CDK14: variants seen among roughly 807,000 people sequenced by gnomAD.
The protein encoded by CDK14 is cyclin dependent kinase 14.
Under a neutral mutation model 60.7 loss-of-function variants are expected in CDK14, and 34 were observed. The ratio of observed to expected loss-of-function variants is 0.56; its 90% CI spans 0.43 to 0.75. The LOEUF is 0.75. Ranked by LOEUF, CDK14 falls within the 30% of genes least tolerant of loss-of-function variation. CDK14 has a pLI of 0.00. For synonymous variants in CDK14, 197 were observed against 203.7 expected, an observed-to-expected ratio of 0.97 and a Z score of 0.28; for missense variants, 482 against 564.1, an observed-to-expected ratio of 0.85 and a Z score of 1.47.
intron 11 of CDK14, among the ~76,000 whole-genome samples, chr7:91,071,569 G>A (rs1798148692): frequency 6.6e-6 from 1 of 152,184 alleles, no homozygotes; most frequent in African/African-American, 2.4e-5. Context: ...ATGCCACCGG[G>A]GCCTAGGGTC....
At chr7:90,722,366 C>T (rs1344159724) in intron 2 of CDK14, among the ~76,000 whole-genome samples, 1 of 151,892 alleles carries the variant, frequency 6.6e-6, no homozygotes, top group Non-Finnish European at 1.5e-5. Flanking sequence ...ACCACACCCG[C>T]CTAATTTTTA....
chr7:90,732,183 A>G (rs911758293), intron 3 of CDK14, among the ~76,000 whole-genome samples: 1 of 152,192 alleles, frequency 6.6e-6, no homozygotes, highest in African/African-American at 2.4e-5. Flanking sequence ...CATTCCAGGG[A>G]TGAAGCCGAC....
chr7:90,756,180 G>A (rs1388417295), intron 4 of CDK14, among the ~76,000 whole-genome samples: 1 of 152,176 alleles, frequency 6.6e-6, no homozygotes, highest in African/African-American at 2.4e-5. Flanking sequence ...ATTCCAAATA[G>A]TTCTCACATA....
chr7:90,709,968 G>A (rs1802001203), intron 2 of CDK14: 1 of 1,057,338 alleles, frequency 9.5e-7, no homozygotes, highest in East Asian at 7.0e-5. Context: ...GTAAGACAGA[G>A]CATGCTTAAA....
intron 3 of CDK14, among the ~76,000 whole-genome samples, chr7:90,741,855 G>A (rs988413288): frequency 5.7e-4 from 87 of 151,922 alleles, no homozygotes; most frequent in African/African-American, 1.8e-3. Flanking sequence ...TTGTTACTAG[G>A]TTACATAATT....
At chr7:91,051,324 T>C (rs1208469832) in intron 11 of CDK14, among the ~76,000 whole-genome samples, 1 of 152,186 alleles carries the variant, frequency 6.6e-6, no homozygotes, top group Admixed American at 6.5e-5. Flanking sequence ...CCAAACTATA[T>C]CAGAGTCTAA....
At chr7:91,058,006 A>C (rs1399145270) in intron 11 of CDK14, among the ~76,000 whole-genome samples, 1 of 151,870 alleles carries the variant, frequency 6.6e-6, no homozygotes, top group Non-Finnish European at 1.5e-5. Context: ...CAGTATGGCC[A>C]TTTTCACGAT....
chr7:91,070,428 A>ATTATCC (rs1429930775), intron 11 of CDK14, among the ~76,000 whole-genome samples: 1 of 152,208 alleles, frequency 6.6e-6, no homozygotes, highest in Admixed American at 6.5e-5. Context: ...CTTAGCACAT[A>ATTATCC]TTAGGAACCA....
At chr7:90,834,155 C>T (rs976396207) in intron 5 of CDK14, among the ~76,000 whole-genome samples, 12 of 152,258 alleles carry the variant, frequency 7.9e-5, no homozygotes, top group African/African-American at 2.2e-4. Context: ...AGTAAATGAT[C>T]TGAAAATAAG....
At chr7:91,134,476 C>T (rs1021202953) in intron 14 of CDK14, among the ~76,000 whole-genome samples, 2 of 152,094 alleles carry the variant, frequency 1.3e-5, no homozygotes, top group African/African-American at 4.8e-5. Context: ...TTCTTATCTG[C>T]AGCTAAGGGG....
chr7:91,010,801 T>TTTCCTTCC lies in CDK14; in HGVS notation c.1041+26586_1041+26593dup, dbSNP rs1253624022. Reference sequence around the variant, plus strand: ...CCTTCCTTCTTTCCCTCCTTCCTTCTTTCCTTCCTTCCTTCCTTCCTTCCT... The same window carrying TTTCCTTCC: ...CCTTCCTTCTTTCCCTCCTTCCTTCTTTCCTTCCTTCCTTCCTTCCTTCCTTCCTTCCT... On this transcript the variant is annotated intron_variant, in intron 10 of 14. Coordinates refer to ENST00000380050, the MANE Select transcript of CDK14 (RefSeq NM_001287135.2). 2.1e-3 allele frequency among the ~76,000 whole-genome samples: 181 copies of TTTCCTTCC among 86,182 alleles called. 4 individuals are homozygous for TTTCCTTCC. The East Asian group carries it at 0.024, about 11-fold the overall frequency. The allele number at this position is 86,182 out of a possible 152,430, so 56.5% of individuals were successfully genotyped here.
At chr7:90,684,089 C>A (rs187148509) in intron 2 of CDK14, among the ~76,000 whole-genome samples, 4 of 152,228 alleles carry the variant, frequency 2.6e-5, no homozygotes, top group South Asian at 4.1e-4. Context: ...TAACTTGCAA[C>A]GACTTCAATA....
intron 9 of CDK14, among the ~76,000 whole-genome samples, chr7:90,975,521 T>C (rs575627727): frequency 1.3e-4 from 20 of 151,464 alleles, no homozygotes; most frequent in Non-Finnish European, 2.4e-4. Context: ...TGAAACTATA[T>C]AGTATAGTAT....
At chr7:91,009,147 TAGTG>T (rs1053378539) in intron 10 of CDK14, among the ~76,000 whole-genome samples, 24 of 152,308 alleles carry the variant, frequency 1.6e-4, no homozygotes, top group African/African-American at 5.5e-4. Context: ...TGGCTTTTTT[TAGTG>T]AGCATAACTA....
chr7:90,641,464 G>A lies in CDK14; in HGVS notation c.123+37215G>A, dbSNP rs553200990. ...AATAGACAGAAATGAAGTACTGATA[G>A]ATGCTGCAACATGAGTGAACTTTGA... On this transcript the variant is annotated intron_variant, in intron 2 of 14. Coordinates refer to ENST00000380050, the MANE Select transcript of CDK14 (RefSeq NM_001287135.2). Among the ~76,000 whole-genome samples, 22 of 152,300 alleles carry A rather than the reference G, an allele frequency of 1.4e-4. No homozygotes were observed. In the South Asian group the frequency reaches 4.4e-3, roughly 30 times the overall value.
At chr7:91,179,816 T>C (rs1367884091) in intron 14 of CDK14, among the ~76,000 whole-genome samples, 1 of 151,570 alleles carries the variant, frequency 6.6e-6, no homozygotes, top group African/African-American at 2.4e-5. Flanking sequence ...AAAAAAAAAG[T>C]TTACTTTTAT....
chr7:91,042,205 C>T (rs952906148), intron 10 of CDK14, among the ~76,000 whole-genome samples: 25 of 152,134 alleles, frequency 1.6e-4, no homozygotes, highest in African/African-American at 5.6e-4. Flanking sequence ...GGCTGAGCAT[C>T]GTGTTAATTT....
At chr7:90,970,005 C>T (rs1312978739) in intron 9 of CDK14, among the ~76,000 whole-genome samples, 12 of 146,524 alleles carry the variant, frequency 8.2e-5, no homozygotes, top group Admixed American at 1.4e-4. Context: ...CTCACTCTGT[C>T]GCCCAGGCTG....
At chr7:90,753,190 GA>G (rs997115505) in intron 4 of CDK14, among the ~76,000 whole-genome samples, 3 of 151,976 alleles carry the variant, frequency 2.0e-5, no homozygotes, top group Non-Finnish European at 4.4e-5. Flanking sequence ...AAGAAACAAT[GA>G]AAACAGAAAA....
Sources: allele counts gnomAD v4.1 joint callset (sites outside exome capture counted in the v4.1 genomes callset), GRCh38; gene constraint gnomAD v4.1.1; transcripts MANE v1.5; gene names NCBI Gene and HGNC (gene_info 2026-07-23, HGNC 2026-07-21).